The following SLC9C2 variants were observed in gnomAD, a reference collection of about 807,000 sequenced individuals.
SLC9C2 encodes sodium/hydrogen exchanger 11.
A neutral mutation model predicts 140.2 loss-of-function variants in SLC9C2; 75 were observed. The observed-to-expected ratio is 0.53, with a 90% confidence interval of 0.44 to 0.65. SLC9C2 has a LOEUF of 0.65. Ranked by LOEUF, SLC9C2 falls within the 30% of genes least tolerant of loss-of-function variation. The pLI is 0.00. For synonymous variants in SLC9C2, 375 were observed against 420.9 expected, an observed-to-expected ratio of 0.89 and a Z score of 1.34; for missense variants, 1,074 against 1,331.8, an observed-to-expected ratio of 0.81 and a Z score of 3.01.
intron 9 of SLC9C2, among the ~76,000 whole-genome samples, chr1:173,560,857 A>T (rs61828890): frequency 1.3e-5 from 2 of 151,642 alleles, no homozygotes; most frequent in Admixed American, 1.3e-4. Context: ...AGTGCAGTGG[A>T]GTGATCTTGG....
chr1:173,521,450 T>G (rs535245085), intron 21 of SLC9C2, 51 bp from the exon 22 acceptor site: 39 of 764,498 alleles, frequency 5.1e-5, no homozygotes, highest in Non-Finnish European at 7.3e-5. Context: ...ACACAAAAGC[T>G]TCCTAGTCTA....
At chr1:173,562,725 C>T (rs1664197047) in intron 9 of SLC9C2, among the ~76,000 whole-genome samples, 1 of 152,154 alleles carries the variant, frequency 6.6e-6, no homozygotes, top group Non-Finnish European at 1.5e-5. Context: ...ACATTATCCA[C>T]TCCACATTTT....
At position 173,529,929 on chromosome 1, in the gene SLC9C2, T is replaced by G; in HGVS notation, c.2289A>C (p.Ile763=). The G allele has an allele frequency of 6.2e-7, 1 of 1,611,496 alleles. No homozygotes were observed. The highest frequency in any genetic ancestry group is 8.5e-7 in the Non-Finnish European group (1 of 1,179,460). ...CCTGATATATTGATTCACAGACAGC[T>G]ATTTGTTTTATTAGAAGTTTGGCAT... is the stretch of plus-strand genomic sequence containing the variant. ...QEDAKLLIKQ[I]AVCESIYQKL... is the part of the protein sequence containing the mutation. Residue 763 remains isoleucine (I), a synonymous_variant, in exon 18 of 28, where the codon ATA becomes ATC. Transcript: ENST00000367714.
At chr1:173,595,548 A>G (rs1372489168) in intron 4 of SLC9C2, among the ~76,000 whole-genome samples, 1 of 152,190 alleles carries the variant, frequency 6.6e-6, no homozygotes, top group Non-Finnish European at 1.5e-5. Flanking sequence ...ACCAAACGAA[A>G]AATTTTAACT....
intron 9 of SLC9C2, among the ~76,000 whole-genome samples, chr1:173,568,801 C>G (rs1664663323): frequency 6.6e-6 from 1 of 152,106 alleles, no homozygotes; most frequent in East Asian, 1.9e-4. Flanking sequence ...TTGATAGGTT[C>G]ATCTTTTAGT....
At chr1:173,569,776 C>G (rs1340144904) in intron 9 of SLC9C2, among the ~76,000 whole-genome samples, 1 of 152,008 alleles carries the variant, frequency 6.6e-6, no homozygotes, top group East Asian at 1.9e-4. Context: ...ACAGCAAGAC[C>G]CTGTCCCAAA....
chr1:173,509,207 G>T (rs994621038), intron 24 of SLC9C2, among the ~76,000 whole-genome samples: 1 of 152,092 alleles, frequency 6.6e-6, no homozygotes, highest in Non-Finnish European at 1.5e-5. Context: ...ACTTTGGGAG[G>T]CCGAGGTGAG....
intron 6 of SLC9C2, 22 bp downstream of exon 6, chr1:173,583,484 T>G: frequency 7.6e-7 from 1 of 1,313,372 alleles, no homozygotes; most frequent in Non-Finnish European, 1.1e-6. Flanking sequence ...TTAGAAAATA[T>G]ACAGACAAAA....
chr1:173,504,377 CG>C (rs1294859804), intron 26 of SLC9C2, among the ~76,000 whole-genome samples: 1 of 152,122 alleles, frequency 6.6e-6, no homozygotes, highest in Non-Finnish European at 1.5e-5. Context: ...CAGCACACAG[CG>C]GGGCTGCATT....
At position 173,573,326 on chromosome 1, in the gene SLC9C2, C is replaced by T. The variant is rs760052345; in HGVS notation, c.903-1G>A. 6.8e-7 allele frequency: 1 copy of T among 1,478,640 alleles called. No homozygotes were observed. The highest frequency in any genetic ancestry group is 1.3e-5 in the South Asian group (1 of 79,558). The allele number at this position is 1,478,640 out of a possible 1,614,324, so 91.6% of individuals were successfully genotyped here. On this transcript the variant is annotated splice_acceptor_variant, in intron 8 of 27. Transcript: ENST00000367714. LOFTEE classifies it high-confidence loss of function. ...TACAGATGAAAAAATTCTTAAGAAC[C>T]TAGGATGAATGAAATAGAAATGACA... is the stretch of plus-strand genomic sequence containing the variant.
chr1:173,540,611 C>G (rs1316579517), intron 13 of SLC9C2, among the ~76,000 whole-genome samples: 6 of 152,110 alleles, frequency 3.9e-5, no homozygotes, highest in Non-Finnish European at 7.4e-5. Context: ...TACCACTGGC[C>G]AGGCTGTCAC....
intron 7 of SLC9C2, among the ~76,000 whole-genome samples, chr1:173,579,087 T>C (rs1012258916): frequency 6.6e-6 from 1 of 152,198 alleles, no homozygotes; most frequent in Non-Finnish European, 1.5e-5. Flanking sequence ...GACTCTGGGA[T>C]GTATTTAAGC....
rs374412944 is a variant in SLC9C2 at position 173,601,635 on chromosome 1, A to G, written c.127+15T>C. On this transcript the variant is annotated intron_variant, in intron 2 of 27. Coordinates refer to ENST00000367714, the MANE Select transcript of SLC9C2 (RefSeq NM_178527.4). ...CAGGGCAGAGGAAAGATGAGTTTCA[A>G]AAACAACCACCTACCTCCCAAAACA... 1.9e-5 allele frequency: 30 copies of G among 1,612,102 alleles called. No homozygotes were observed. The African/African-American group carries it at 2.5e-4, about 14-fold the overall frequency.
intron 18 of SLC9C2, among the ~76,000 whole-genome samples, chr1:173,527,407 C>G (rs148911270): frequency 3.4e-4 from 52 of 152,274 alleles, no homozygotes; most frequent in African/African-American, 1.2e-3. Context: ...GCCAAGTGAG[C>G]AGCTAGTTGG....
chr1:173,537,138 A>G (rs982359673), intron 13 of SLC9C2, 99 bp from the exon 14 acceptor site: 37 of 824,586 alleles, frequency 4.5e-5, no homozygotes, highest in South Asian at 2.4e-4. Context: ...ACTGAACTCA[A>G]TATATCAAAA....
At chr1:173,587,106 T>C (rs1034495864) in intron 5 of SLC9C2, among the ~76,000 whole-genome samples, 9 of 152,046 alleles carry the variant, frequency 5.9e-5, no homozygotes, top group African/African-American at 1.2e-4. Flanking sequence ...ATATGGGAAA[T>C]AGTGCAGGAC....
intron 11 of SLC9C2, 48 bp downstream of exon 11, chr1:173,554,684 GT>G: frequency 1.7e-6 from 2 of 1,192,778 alleles, no homozygotes; most frequent in Non-Finnish European, 2.5e-6. Flanking sequence ...ACAATAACCT[GT>G]TTGTATTATT....
At chr1:173,548,585 G>A in intron 11 of SLC9C2, 33 bp from the exon 12 acceptor site, 1 of 1,611,582 alleles carries the variant, frequency 6.2e-7, no homozygotes, top group Non-Finnish European at 8.5e-7. Flanking sequence ...GGCCTTAATA[G>A]AGTACAGTGA....
Position 173,575,626 on chromosome 1 carries a change from G to C in SLC9C2, c.902+1035C>G, listed in dbSNP as rs113097174. 5.0e-3 allele frequency among the ~76,000 whole-genome samples: 754 copies of C among 152,160 alleles called. 8 individuals carry two copies. Among genetic ancestry groups the C allele is most frequent in the African/African-American group, 0.016 (673 of 41,480 alleles). Reference sequence around the variant, plus strand: ...GAGTCTCGCTCTGTCACTCAGGCTGGAGTGCAGTGGTGCGAACTCGGCTCA... The same window carrying C: ...GAGTCTCGCTCTGTCACTCAGGCTGCAGTGCAGTGGTGCGAACTCGGCTCA... On this transcript the variant is annotated intron_variant, in intron 8 of 27. Transcript: ENST00000367714.
Sources: allele counts gnomAD v4.1 joint callset (sites outside exome capture counted in the v4.1 genomes callset), GRCh38; gene constraint gnomAD v4.1.1; transcripts MANE v1.5; gene names NCBI Gene and HGNC (gene_info 2026-07-23, HGNC 2026-07-21).